Variants in TENT4B observed in about 807,000 individuals in gnomAD.
TENT4B encodes the protein terminal nucleotidyltransferase 4B, also known as PAP associated domain containing 5.
In TENT4B, 10 loss-of-function variants were observed where a neutral mutation model predicts 75.0. The ratio of observed to expected loss-of-function variants is 0.13; its 90% CI spans 0.08 to 0.23. The LOEUF (loss-of-function observed/expected upper bound fraction) is 0.23, where lower values mean the gene tolerates loss of function less well. TENT4B is among the 10% of genes least tolerant of loss of function. TENT4B has a pLI of 1.00. For synonymous variants in TENT4B, 350 were observed against 357.7 expected (o/e 0.98, Z 0.24); for missense variants, 579 against 893.8 (o/e 0.65, Z 4.49).
intron 1 of TENT4B, among the ~76,000 whole-genome samples, chr16:50,171,553 A>C (rs1283682443): frequency 1.3e-5 from 2 of 152,094 alleles, no homozygotes; most frequent in African/African-American, 4.8e-5. Context: ...TTCTATTTAG[A>C]AGCTCCTTCT....
At chr16:50,219,421 A>G (rs2031723209) in intron 5 of TENT4B, among the ~76,000 whole-genome samples, 2 of 152,150 alleles carry the variant, frequency 1.3e-5, no homozygotes. Context: ...TGTTGGTTAC[A>G]CAGGCAGTAG....
rs367586434 is a variant in TENT4B, at chr16:50,181,205, G to C, written c.638+26946G>C. ...ACTGGATTTGTTTTTAAGCAAGACA[G>C]AATATTTATATTGTTGGAGAGTCAC... On this transcript the variant is annotated intron_variant, in intron 1 of 11. Transcript: ENST00000561678. Among the ~76,000 whole-genome samples, 5 of 152,338 alleles carry C rather than the reference G, an allele frequency of 3.3e-5. No individual in the cohort carries two copies. The East Asian group carries it at 9.6e-4, about 29-fold the overall frequency.
At chr16:50,188,631 G>A (rs1198056836) in intron 1 of TENT4B, among the ~76,000 whole-genome samples, 1 of 152,208 alleles carries the variant, frequency 6.6e-6, no homozygotes, top group Admixed American at 6.5e-5. Context: ...TTTACGACAT[G>A]TCTCAATATT....
intron 1 of TENT4B, among the ~76,000 whole-genome samples, chr16:50,182,762 C>T (rs547420764): frequency 3.6e-4 from 55 of 151,956 alleles, no homozygotes; most frequent in Middle Eastern, 3.4e-3. Context: ...CCTAGTATTT[C>T]CATCTGTGTT....
In TENT4B at chr16:50,232,584, GT is replaced by G; in HGVS notation, c.*3259del. 1 of 985,328 alleles carries G rather than the reference GT, an allele frequency of 1.0e-6. No homozygotes were observed. The highest frequency in any genetic ancestry group is 1.2e-6 in the Non-Finnish European group (1 of 829,916). The allele number at this position is 985,328 out of a possible 1,614,324, so 61.0% of individuals were successfully genotyped here. A position where few individuals can be genotyped will look rare whatever the true frequency, so the allele number is the denominator to read the frequency against. ...TGTTTGCCTGAACCTGTGGACTAGT[GT>G]TTGGGGTTTCTGGAAACACTAGAGG... On this transcript the variant is annotated 3_prime_UTR_variant, in exon 12 of 12. Transcript: ENST00000561678.
In TENT4B at chr16:50,234,977, G is replaced by A. The variant is rs558523585; in HGVS notation, c.*5649G>A. On this transcript the variant is annotated 3_prime_UTR_variant, in exon 12 of 12. Transcript: ENST00000561678. ...GACTCCTGTGAGGTGCTGGAGGTTT[G>A]AATCATCTTGAAAACTTTCCAATCT... The A allele has an allele frequency of 6.4e-5, 63 of 985,738 alleles. No homozygotes were observed. Among genetic ancestry groups the A allele is most frequent in the Non-Finnish European group, 7.5e-5 (62 of 829,932 alleles). 61.1% of individuals were successfully genotyped at this position (985,738 alleles called of 1,614,324 possible).
intron 5 of TENT4B, among the ~76,000 whole-genome samples, chr16:50,219,534 G>A (rs2031727807): frequency 1.3e-5 from 2 of 152,128 alleles, no homozygotes; most frequent in Non-Finnish European, 2.9e-5. Flanking sequence ...TTCCATACAT[G>A]CATCTTGCTT....
In TENT4B at chr16:50,229,997, C is replaced by G; in HGVS notation, c.*669C>G. ...TCCATATATAGGGAAGTGATTAGTT[C>G]TATTACTCAATTTGTTTTTCTCAGC... On this transcript the variant is annotated 3_prime_UTR_variant, in exon 12 of 12. Transcript: ENST00000561678. 1 of 975,706 alleles carries G rather than the reference C, an allele frequency of 1.0e-6. No homozygotes were observed. The highest frequency in any genetic ancestry group is 1.2e-6 in the Non-Finnish European group (1 of 821,290). The allele number at this position is 975,706 out of a possible 1,614,324, so 60.4% of individuals were successfully genotyped here.
At chr16:50,188,373 G>A (rs1264004422) in intron 1 of TENT4B, among the ~76,000 whole-genome samples, 1 of 152,098 alleles carries the variant, frequency 6.6e-6, no homozygotes, top group African/African-American at 2.4e-5. Flanking sequence ...CAGGGATCAG[G>A]TCTTACTCCG....
At chr16:50,182,208 A>G (rs906722982) in intron 1 of TENT4B, among the ~76,000 whole-genome samples, 1 of 152,120 alleles carries the variant, frequency 6.6e-6, no homozygotes, top group South Asian at 2.1e-4. Flanking sequence ...CAGAGGTTGC[A>G]GTGAGCCAAG....
chr16:50,186,365 C>G (rs1312141665), intron 1 of TENT4B, among the ~76,000 whole-genome samples: 2 of 152,056 alleles, frequency 1.3e-5, no homozygotes, highest in African/African-American at 4.8e-5. Flanking sequence ...TCCTGGCTTT[C>G]ATCATCTAGC....
chr16:50,179,783 A>G (rs991630594), intron 1 of TENT4B, among the ~76,000 whole-genome samples: 1 of 152,214 alleles, frequency 6.6e-6, no homozygotes, highest in African/African-American at 2.4e-5. Context: ...ACCTGAATCC[A>G]GGGTTTCTTA....
In TENT4B at chr16:50,154,212, C is replaced by T; in HGVS notation, c.591C>T (p.Tyr197=). The T allele has an allele frequency of 6.8e-7, 1 of 1,480,078 alleles. No individual in the cohort carries two copies. Among genetic ancestry groups the T allele is most frequent in the Non-Finnish European group, 8.9e-7 (1 of 1,123,914 alleles). The allele number at this position is 1,480,078 out of a possible 1,614,324, so 91.7% of individuals were successfully genotyped here. Residue 197 remains tyrosine (Y), a synonymous_variant, in exon 1 of 12, where the codon TAC becomes TAT. Coordinates refer to ENST00000561678, the MANE Select transcript of TENT4B (RefSeq NM_001365324.3). ...GAGCAGACGGCGGCGGGGTCGTGTACAGCGGGACCCCGTGGAAACGGAGGA... is the reference window on the plus strand; with the variant it reads ...GAGCAGACGGCGGCGGGGTCGTGTATAGCGGGACCCCGTGGAAACGGAGGA... ...GGRADGGGVV[Y]SGTPWKRRNY... is the part of the protein sequence containing the mutation.
chr16:50,191,263 G>GT lies in TENT4B; in HGVS notation c.639-20050dup, dbSNP rs551377811. ...GGATCATATGGTAATTCCGTGTCTG[G>GT]TTTTTTTTTTGAGGAAGTGCCATGC... On this transcript the variant is annotated intron_variant, in intron 1 of 11. Coordinates refer to ENST00000561678, the MANE Select transcript of TENT4B (RefSeq NM_001365324.3). Among the ~76,000 whole-genome samples the GT allele has an allele frequency of 3.2e-3, 475 of 147,478 alleles. 5 individuals carry two copies. The highest frequency in any genetic ancestry group is 0.013 in the East Asian group (68 of 5,054).
intron 2 of TENT4B, among the ~76,000 whole-genome samples, chr16:50,212,951 C>G (rs1425785900): frequency 6.6e-6 from 1 of 152,162 alleles, no homozygotes; most frequent in Non-Finnish European, 1.5e-5. Context: ...ATCTCTTTCT[C>G]TCCAGCCAGC....
Position 50,234,996 on chromosome 16 carries a change from C to G in TENT4B, c.*5668C>G. On this transcript the variant is annotated 3_prime_UTR_variant, in exon 12 of 12. Transcript: ENST00000561678. ...AGGTTTGAATCATCTTGAAAACTTT[C>G]CAATCTTGTCTAGTTACCACTGCAG... 1 of 985,822 alleles carries G rather than the reference C, an allele frequency of 1.0e-6. No homozygotes were observed. The highest frequency in any genetic ancestry group is 1.2e-6 in the Non-Finnish European group (1 of 829,922). 61.1% of individuals were successfully genotyped at this position (985,822 alleles called of 1,614,324 possible). A position where few individuals can be genotyped will look rare whatever the true frequency, so the allele number is the denominator to read the frequency against.
At chr16:50,187,711 TTTA>T (rs1486805953) in intron 1 of TENT4B, among the ~76,000 whole-genome samples, 2 of 152,126 alleles carry the variant, frequency 1.3e-5, no homozygotes, top group Admixed American at 1.3e-4. Context: ...TGAAGTTATT[TTTA>T]TTATTATGTT....
In TENT4B at chr16:50,160,558, G is replaced by A. The variant is rs189328726; in HGVS notation, c.638+6299G>A. Among the ~76,000 whole-genome samples, 129 of 152,254 alleles carry A rather than the reference G, an allele frequency of 8.5e-4. 1 individual carries two copies. The highest frequency in any genetic ancestry group is 3.1e-3 in the African/African-American group (129 of 41,528). The stretch of plus-strand genomic sequence containing the variant: ...TCTCAATTTCTTCCGTGAAATTCCT[G>A]CCAACAAATCATAGTGTTAGAAGTA... On this transcript the variant is annotated intron_variant, in intron 1 of 11. Coordinates refer to ENST00000561678, the MANE Select transcript of TENT4B (RefSeq NM_001365324.3).
In TENT4B at chr16:50,184,007, A is replaced by G. The variant is rs372509990; in HGVS notation, c.639-27316A>G. Among the ~76,000 whole-genome samples, 16 of 152,334 alleles carry G rather than the reference A, an allele frequency of 1.1e-4. No individual in the cohort carries two copies. The East Asian group carries it at 2.1e-3, about 20-fold the overall frequency. On this transcript the variant is annotated intron_variant, in intron 1 of 11. Coordinates refer to ENST00000561678, the MANE Select transcript of TENT4B (RefSeq NM_001365324.3). ...CCAGAATAAGTTGTAGAACATTTTC[A>G]TCAACCCAAAAAGAAACTTTGTATT...
Sources: allele counts gnomAD v4.1 joint callset (sites outside exome capture counted in the v4.1 genomes callset), GRCh38; gene constraint gnomAD v4.1.1; transcripts MANE v1.5; gene names NCBI Gene and HGNC (gene_info 2026-07-23, HGNC 2026-07-21).